The following DOCK7 variants were observed in gnomAD, a reference collection of about 807,000 sequenced individuals.
The protein encoded by DOCK7 is dedicator of cytokinesis protein 7.
Under a neutral mutation model 271.0 loss-of-function variants are expected in DOCK7, and 138 were observed. The ratio of observed to expected loss-of-function variants is 0.51; its 90% CI spans 0.44 to 0.59. DOCK7 has a LOEUF of 0.59. Ranked by LOEUF, DOCK7 falls within the 20% of genes least tolerant of loss-of-function variation. The pLI, the probability that DOCK7 is intolerant of heterozygous loss-of-function variation, is 0.00. For synonymous variants in DOCK7, 823 were observed against 876.1 expected (o/e 0.94, Z 1.07); for missense variants, 2,066 against 2,592.4 (o/e 0.80, Z 4.41).
chr1:62,616,147 C>T (rs1214621152), intron 14 of DOCK7, among the ~76,000 whole-genome samples: 2 of 151,750 alleles, frequency 1.3e-5, no homozygotes, highest in Non-Finnish European at 3.0e-5. Flanking sequence ...AACTTTTTAT[C>T]TCCTCCAGAA....
At chr1:62,647,080 G>A (rs1228413877) in intron 7 of DOCK7, among the ~76,000 whole-genome samples, 1 of 152,072 alleles carries the variant, frequency 6.6e-6, no homozygotes, top group East Asian at 1.9e-4. Context: ...TATAGACATC[G>A]TCTGTCCCTA....
chr1:62,614,263 T>C (rs960469391), intron 14 of DOCK7, among the ~76,000 whole-genome samples: 8 of 152,116 alleles, frequency 5.3e-5, no homozygotes, highest in African/African-American at 1.7e-4. Flanking sequence ...GAGGTTGTCA[T>C]ACATCCCTTT....
chr1:62,634,115 C>T (rs1160580031), intron 9 of DOCK7, among the ~76,000 whole-genome samples: 3 of 151,070 alleles, frequency 2.0e-5, no homozygotes, highest in Non-Finnish European at 2.9e-5. Context: ...AATGAGGAAT[C>T]GAAAAAGGAA....
intron 14 of DOCK7, chr1:62,609,502 T>C (rs1651471381): frequency 6.6e-6 from 1 of 152,180 alleles, no homozygotes; most frequent in Admixed American, 6.5e-5. Context: ...CTTCATGGGA[T>C]TGTAATCATC....
At chr1:62,647,127 CT>C (rs1456738357) in intron 7 of DOCK7, among the ~76,000 whole-genome samples, 1 of 152,070 alleles carries the variant, frequency 6.6e-6, no homozygotes, top group Non-Finnish European at 1.5e-5. Flanking sequence ...TGAATTGAAA[CT>C]TTTTTCTTAA....
intron 1 of DOCK7, among the ~76,000 whole-genome samples, chr1:62,680,284 G>A: frequency 6.6e-6 from 1 of 152,154 alleles, no homozygotes; most frequent in Non-Finnish European, 1.5e-5. Flanking sequence ...ACAAGAAATG[G>A]GGAAAGGATT....
intron 10 of DOCK7, among the ~76,000 whole-genome samples, chr1:62,632,827 A>C (rs1416444332): frequency 6.6e-6 from 1 of 152,096 alleles, no homozygotes; most frequent in African/African-American, 2.4e-5. Flanking sequence ...AAATACAAAA[A>C]TTAGCTGGGT....
chr1:62,464,068 C>CT (rs978632624), intron 48 of DOCK7, among the ~76,000 whole-genome samples: 6 of 151,420 alleles, frequency 4.0e-5, no homozygotes, highest in East Asian at 1.9e-4. Context: ...AAGCCATTTT[C>CT]TTTTTTTTTG....
chr1:62,501,728 T>C (rs1242038780), intron 37 of DOCK7, among the ~76,000 whole-genome samples: 2 of 152,100 alleles, frequency 1.3e-5, no homozygotes, highest in African/African-American at 4.8e-5. Context: ...ATGCACTCTA[T>C]GTATTTCTGG....
intron 33 of DOCK7, among the ~76,000 whole-genome samples, chr1:62,513,091 C>A (rs1464469952): frequency 1.3e-5 from 2 of 151,838 alleles, no homozygotes; most frequent in Non-Finnish European, 2.9e-5. Context: ...AATCTCTGTA[C>A]CTTTGCTCAC....
At chr1:62,466,902 C>A (rs1247197915) in intron 48 of DOCK7, among the ~76,000 whole-genome samples, 1 of 151,590 alleles carries the variant, frequency 6.6e-6, no homozygotes, top group Non-Finnish European at 1.5e-5. Flanking sequence ...TGGGTGACAG[C>A]GAGATTCTGT....
intron 14 of DOCK7, among the ~76,000 whole-genome samples, chr1:62,591,111 C>G (rs761362327): frequency 6.6e-6 from 1 of 152,064 alleles, no homozygotes; most frequent in Non-Finnish European, 1.5e-5. Flanking sequence ...CAATGACAGA[C>G]TGGATAAAGA....
intron 7 of DOCK7, among the ~76,000 whole-genome samples, chr1:62,638,913 CTCT>C (rs1035830414): frequency 2.0e-5 from 3 of 151,744 alleles, no homozygotes; most frequent in Admixed American, 6.6e-5. Context: ...CCTTTTTTAG[CTCT>C]TTTTTTTTAG....
chr1:62,468,486 C>T (rs975713511), intron 48 of DOCK7, among the ~76,000 whole-genome samples: 1 of 151,964 alleles, frequency 6.6e-6, no homozygotes, highest in African/African-American at 2.4e-5. Flanking sequence ...TGAAAGTATT[C>T]CCTCTGAGAA....
chr1:62,483,783 G>A (rs1280687156), intron 43 of DOCK7: 1 of 152,028 alleles, frequency 6.6e-6, no homozygotes, highest in African/African-American at 2.4e-5. Context: ...GTTTTGCCAT[G>A]TTGACCATGC....
intron 16 of DOCK7, 67 bp from the exon 17 acceptor site, chr1:62,579,033 A>G (rs1024658516): frequency 1.5e-6 from 2 of 1,321,502 alleles, no homozygotes; most frequent in African/African-American, 3.1e-5. Context: ...GTATTTGTAT[A>G]TTTGAATAAT....
chr1:62,587,860 A>C (rs534809524), intron 14 of DOCK7, among the ~76,000 whole-genome samples: 9 of 152,234 alleles, frequency 5.9e-5, no homozygotes, highest in African/African-American at 2.2e-4. Flanking sequence ...ATATTTCTAA[A>C]AACTAATAAT....
chr1:62,573,789 T>C (rs1646859801), intron 18 of DOCK7, among the ~76,000 whole-genome samples: 1 of 152,120 alleles, frequency 6.6e-6, no homozygotes, highest in South Asian at 2.1e-4. Flanking sequence ...TATTTATTTA[T>C]TTTGAAGAGA....
At chr1:62,616,485 G>A (rs1015623442) in intron 14 of DOCK7, among the ~76,000 whole-genome samples, 2 of 151,672 alleles carry the variant, frequency 1.3e-5, no homozygotes, top group Admixed American at 6.6e-5. Flanking sequence ...CTCTACCAAT[G>A]AGAAATTTTA....
Sources: gnomAD v4.1 joint callset for allele counts (sites outside exome capture counted in the v4.1 genomes callset) on GRCh38, gnomAD v4.1.1 for gene constraint, MANE v1.5 for transcripts, NCBI Gene and HGNC (gene_info 2026-07-23, HGNC 2026-07-21) for gene names.